The following CFAP69 variants were observed in gnomAD, a reference collection of about 807,000 sequenced individuals.
CFAP69 encodes the protein cilia- and flagella-associated protein 69.
Under a neutral mutation model 123.0 loss-of-function variants are expected in CFAP69, and 92 were observed. The ratio of observed to expected loss-of-function variants is 0.75; its 90% CI spans 0.63 to 0.89. CFAP69 has a LOEUF of 0.89. CFAP69 is among the 40% of genes least tolerant of loss of function. CFAP69 has a pLI of 0.00. For missense variants in CFAP69, 1,067 were observed against 1,096.9 expected (o/e 0.97, Z 0.39); for synonymous variants, 380 against 364.3 (o/e 1.04, Z -0.49).
Position 90,268,282 on chromosome 7 carries a change from G to A in CFAP69, c.434-4G>A, listed in dbSNP as rs777984596. Reference sequence around the variant, plus strand: ...TAAATAGCACCTGTTTATCTTTCTGGCAGGTGACTTAATGAAAATACCAAG... The same window carrying A: ...TAAATAGCACCTGTTTATCTTTCTGACAGGTGACTTAATGAAAATACCAAG... On this transcript the variant is annotated splice_region_variant and splice_polypyrimidine_tract_variant and intron_variant, in intron 5 of 22. Transcript: ENST00000389297. The A allele has an allele frequency of 2.5e-6, 4 of 1,590,092 alleles. No individual in the cohort carries two copies. Among genetic ancestry groups the A allele is most frequent in the African/African-American group, 2.7e-5 (2 of 74,086 alleles).
intron 15 of CFAP69, among the ~76,000 whole-genome samples, chr7:90,296,419 C>G (rs1791980983): frequency 6.6e-6 from 1 of 152,044 alleles, no homozygotes; most frequent in African/African-American, 2.4e-5. Flanking sequence ...CCTCCTCCTC[C>G]TGGGTTCAAG....
intron 5 of CFAP69, among the ~76,000 whole-genome samples, chr7:90,267,374 A>G (rs558514520): frequency 2.0e-5 from 3 of 152,158 alleles, no homozygotes; most frequent in Admixed American, 6.5e-5. Flanking sequence ...AGAGAGTCCA[A>G]CCAGTTCTAG....
intron 1 of CFAP69, among the ~76,000 whole-genome samples, chr7:90,255,111 G>T (rs1797480942): frequency 6.6e-6 from 1 of 152,202 alleles, no homozygotes; most frequent in Admixed American, 6.5e-5. Context: ...AGTGTAATGT[G>T]TATACAAGAT....
the CFAP69 span, chr7:90,322,279 T>G: frequency 6.6e-6 from 1 of 152,246 alleles, no homozygotes; most frequent in Non-Finnish European, 1.5e-5. Context: ...ACTTGTTTAC[T>G]CGGATTAGGT....
At chr7:90,277,189 C>A (rs2116998256) in intron 10 of CFAP69, 24 bp from the exon 11 acceptor site, 1 of 1,577,504 alleles carries the variant, frequency 6.3e-7, no homozygotes, top group Non-Finnish European at 8.6e-7. Flanking sequence ...TTTAAGCTTT[C>A]ATTTTACTTT....
rs752749684 is a variant in CFAP69 at position 90,307,726 on chromosome 7, GA to G, written c.2464-34del. On this transcript the variant is annotated intron_variant, in intron 20 of 22. Transcript: ENST00000389297. ...GAGGTTCTGTCTCAAAAAAAAAAAA[GA>G]AAAAAAAGAAACTGAAACTTAATTA... The G allele has an allele frequency of 8.0e-4, 999 of 1,244,510 alleles. 5 individuals carry two copies. Among genetic ancestry groups the G allele is most frequent in the Non-Finnish European group, 8.8e-4 (789 of 901,308 alleles). The allele number at this position is 1,244,510 out of a possible 1,614,324, so 77.1% of individuals were successfully genotyped here. A position where few individuals can be genotyped will look rare whatever the true frequency, so the allele number is the denominator to read the frequency against.
At chr7:90,281,573 C>T (rs1789499402) in intron 12 of CFAP69, among the ~76,000 whole-genome samples, 1 of 152,000 alleles carries the variant, frequency 6.6e-6, no homozygotes, top group Non-Finnish European at 1.5e-5. Flanking sequence ...AAAATTAGAC[C>T]TCTTCACTTT....
intron 15 of CFAP69, among the ~76,000 whole-genome samples, chr7:90,296,377 G>C (rs1791972391): frequency 6.6e-6 from 1 of 151,920 alleles, no homozygotes. Context: ...ACCCAGCCCG[G>C]GGTGCAGTGG....
At chr7:90,258,426 G>A (rs1289441355) in intron 3 of CFAP69, among the ~76,000 whole-genome samples, 1 of 152,072 alleles carries the variant, frequency 6.6e-6, no homozygotes, top group African/African-American at 2.4e-5. Context: ...CCAGCTTCTG[G>A]AGGCTTCCTA....
At chr7:90,256,672 A>C (rs1299884034) in intron 2 of CFAP69, among the ~76,000 whole-genome samples, 1 of 152,204 alleles carries the variant, frequency 6.6e-6, no homozygotes, top group Non-Finnish European at 1.5e-5. Context: ...AAGGAGAAAA[A>C]GTGACTATTG....
In CFAP69 at chr7:90,262,053, G is replaced by T. The variant is rs760388762; in HGVS notation, c.353G>T (p.Cys118Phe). The T allele has an allele frequency of 9.6e-6, 15 of 1,559,172 alleles. No homozygotes were observed. Among genetic ancestry groups the T allele is most frequent in the Non-Finnish European group, 1.3e-5 (15 of 1,146,568 alleles). Reference protein sequence around the residue: ...IESAYDIIKLCGLPFLKKKVS... With the variant: ...IESAYDIIKLFGLPFLKKKVS... ...TCTGCATATGATATCATAAAACTGT[G>T]TGGGTAAGTTATCTTTCTTTAACTT... The change falls in exon 4 of 23, where the codon TGT becomes TTT. Residue 118 changes from cysteine to phenylalanine, a missense_variant. Cys to Phe is a radical substitution (Grantham distance 205). Transcript: ENST00000389297.
intron 3 of CFAP69, among the ~76,000 whole-genome samples, chr7:90,260,865 T>C (rs1016756541): frequency 1.3e-5 from 2 of 152,160 alleles, no homozygotes. Context: ...CTATAGAAGT[T>C]GTAAAACTTA....
chr7:90,292,908 G>A (rs1791418478), intron 15 of CFAP69, among the ~76,000 whole-genome samples: 1 of 152,130 alleles, frequency 6.6e-6, no homozygotes, highest in South Asian at 2.1e-4. Flanking sequence ...AAGAATACCT[G>A]TTAGAGTTCT....
rs534019684 is a variant in CFAP69 at position 90,306,846 on chromosome 7, C to A, written c.2266-55C>A. 1.1e-4 allele frequency: 114 copies of A among 1,041,612 alleles called. No individual in the cohort carries two copies. The African/African-American group carries it at 1.7e-3, about 16-fold the overall frequency. 64.5% of individuals were successfully genotyped at this position (1,041,612 alleles called of 1,614,324 possible). A position where few individuals can be genotyped will look rare whatever the true frequency, so the allele number is the denominator to read the frequency against. ...CCATATAAAAAATTGTATAATTGTA[C>A]AATTGCATGATTTGTTTTTGGTTAA... On this transcript the variant is annotated intron_variant, in intron 19 of 22. Transcript: ENST00000389297.
intron 2 of CFAP69, among the ~76,000 whole-genome samples, chr7:90,255,953 T>A (rs1047068555): frequency 6.6e-6 from 1 of 152,196 alleles, no homozygotes; most frequent in Non-Finnish European, 1.5e-5. Context: ...AGACTCAAAA[T>A]TGGGAAAGCA....
At chr7:90,276,851 T>C (rs181656900) in intron 9 of CFAP69, among the ~76,000 whole-genome samples, 1 of 152,284 alleles carries the variant, frequency 6.6e-6, no homozygotes, top group African/African-American at 2.4e-5. Flanking sequence ...AGAAGTAAGT[T>C]TAAAATTAAA....
chr7:90,265,450 T>A (rs923153030), intron 5 of CFAP69, 73 bp downstream of exon 5: 18 of 1,009,786 alleles, frequency 1.8e-5, no homozygotes, highest in Non-Finnish European at 2.6e-5. Flanking sequence ...ATATCTATTT[T>A]CCCCAAGTTT....
In CFAP69 at chr7:90,245,272, T is replaced by G; in HGVS notation, c.-153T>G. 2.8e-6 allele frequency: 3 copies of G among 1,064,820 alleles called. No individual in the cohort carries two copies. Among genetic ancestry groups the G allele is most frequent in the Non-Finnish European group, 3.8e-6 (3 of 792,242 alleles). The allele number at this position is 1,064,820 out of a possible 1,614,324, so 66.0% of individuals were successfully genotyped here. ...CTAAGCGGACTGTATGGCGGTGGCCTAGGCCCCTGGCGGAATTTTGGGACC... is the reference window on the plus strand; with the variant it reads ...CTAAGCGGACTGTATGGCGGTGGCCGAGGCCCCTGGCGGAATTTTGGGACC... On this transcript the variant is annotated 5_prime_UTR_variant, in exon 1 of 23. The change abolishes the stop of an existing upstream ORF in the 5' untranslated region. Transcript: ENST00000389297.
intron 15 of CFAP69, among the ~76,000 whole-genome samples, chr7:90,289,328 T>C (rs1366900597): frequency 6.6e-6 from 1 of 152,164 alleles, no homozygotes; most frequent in Non-Finnish European, 1.5e-5. Flanking sequence ...CTGCGTTGTA[T>C]CTTTCATTGC....
Sources: gnomAD v4.1 joint callset for allele counts (sites outside exome capture counted in the v4.1 genomes callset) on GRCh38, gnomAD v4.1.1 for gene constraint, MANE v1.5 for transcripts, NCBI Gene and HGNC (gene_info 2026-07-23, HGNC 2026-07-21) for gene names.